Variants in SSBP3 observed in about 807,000 individuals in gnomAD.
The protein encoded by SSBP3 is single stranded DNA binding protein 3.
SSBP3 carries 5 observed loss-of-function variants against 69.6 expected under a neutral mutation model. The ratio of observed to expected loss-of-function variants is 0.07; its 90% CI spans 0.04 to 0.15. The LOEUF (loss-of-function observed/expected upper bound fraction) is 0.15. Ranked by LOEUF, SSBP3 falls within the 10% of genes least tolerant of loss-of-function variation. The probability of loss-of-function intolerance (pLI) is 1.00; values close to 1 mark genes in which losing one functional copy is unlikely to be tolerated. For synonymous variants in SSBP3, 196 were observed against 193.4 expected (o/e 1.01, Z -0.11); for missense variants, 312 against 534.0 (o/e 0.58, Z 4.10).
At chr1:54,235,542 G>A (rs1280851884) in intron 14 of SSBP3, among the ~76,000 whole-genome samples, 1 of 139,236 alleles carries the variant, frequency 7.2e-6, no homozygotes, top group African/African-American at 2.7e-5. Context: ...TGCAACCTCC[G>A]CCTCCCGGGT....
Position 54,338,192 on chromosome 1 carries a change from G to A in SSBP3, c.277-56665C>T, listed in dbSNP as rs79481013. Among the ~76,000 whole-genome samples, 72 of 152,338 alleles carry A rather than the reference G, an allele frequency of 4.7e-4. 2 individuals are homozygous for A. In the East Asian group the frequency reaches 0.011, roughly 22 times the overall value. On this transcript the variant is annotated intron_variant, in intron 4 of 17. Transcript: ENST00000610401. ...CCTGTGGTCCAGGTGTCCCTCTCCT[G>A]TGTTCACAGCCTCGGTGCCCCTACT...
At chr1:54,279,184 G>A (rs1021921668) in intron 5 of SSBP3, among the ~76,000 whole-genome samples, 55 of 152,294 alleles carry the variant, frequency 3.6e-4, no homozygotes, top group Admixed American at 8.5e-4. Flanking sequence ...GGATGACCAC[G>A]TCAGCTCTTG....
At chr1:54,353,492 G>T (rs1646815572) in intron 4 of SSBP3, among the ~76,000 whole-genome samples, 1 of 152,088 alleles carries the variant, frequency 6.6e-6, no homozygotes, top group African/African-American at 2.4e-5. Flanking sequence ...TATCCACTCT[G>T]AAAAACCCTG....
intron 4 of SSBP3, among the ~76,000 whole-genome samples, chr1:54,377,274 C>CTGCCTCCA (rs1647277121): frequency 6.6e-6 from 1 of 152,260 alleles, no homozygotes; most frequent in Admixed American, 6.5e-5. Context: ...CCCACAAGGT[C>CTGCCTCCA]TGCCTCCAGG....
chr1:54,294,832 G>A (rs1251167279), intron 4 of SSBP3, among the ~76,000 whole-genome samples: 2 of 152,162 alleles, frequency 1.3e-5, no homozygotes, highest in East Asian at 3.9e-4. Context: ...CCCACCACTT[G>A]TGGGGCCCAA....
intron 5 of SSBP3, among the ~76,000 whole-genome samples, chr1:54,274,270 G>A (rs1051010448): frequency 1.3e-5 from 2 of 152,218 alleles, no homozygotes; most frequent in African/African-American, 4.8e-5. Flanking sequence ...GCCAATTTGA[G>A]CCTCAGTTTC....
intron 14 of SSBP3, among the ~76,000 whole-genome samples, chr1:54,230,249 G>T (rs1644358735): frequency 6.6e-6 from 1 of 152,166 alleles, no homozygotes; most frequent in Non-Finnish European, 1.5e-5. Context: ...GCAGCTCACA[G>T]GCTTTTGGGC....
At chr1:54,385,034 T>A (rs989748701) in intron 4 of SSBP3, among the ~76,000 whole-genome samples, 2 of 152,138 alleles carry the variant, frequency 1.3e-5, no homozygotes, top group Admixed American at 1.3e-4. Flanking sequence ...GGGAAGGACA[T>A]ACTTCCTAAC....
chr1:54,408,195 C>A (rs777383083), upstream of SSBP3, among the ~76,000 whole-genome samples: 1 of 152,134 alleles, frequency 6.6e-6, no homozygotes, highest in Non-Finnish European at 1.5e-5. Context: ...AGTTTATGGG[C>A]GTCTGTGCGC....
At chr1:54,289,907 C>T (rs1645573765) in intron 4 of SSBP3, among the ~76,000 whole-genome samples, 1 of 152,126 alleles carries the variant, frequency 6.6e-6, no homozygotes, top group Non-Finnish European at 1.5e-5. Flanking sequence ...TCAGAGAAGG[C>T]TCACTGTCCC....
At chr1:54,309,847 G>A (rs980861088) in intron 4 of SSBP3, among the ~76,000 whole-genome samples, 1 of 152,166 alleles carries the variant, frequency 6.6e-6, no homozygotes, top group Non-Finnish European at 1.5e-5. Context: ...CAAAGAAGAG[G>A]CCAGGTCACA....
intron 4 of SSBP3, among the ~76,000 whole-genome samples, chr1:54,374,206 G>A (rs1165848041): frequency 2.6e-5 from 4 of 152,208 alleles, no homozygotes; most frequent in Non-Finnish European, 5.9e-5. Flanking sequence ...ACGCAGGTGC[G>A]CGGGAATGTG....
chr1:54,231,990 G>C (rs185380104), intron 14 of SSBP3, among the ~76,000 whole-genome samples: 173 of 152,270 alleles, frequency 1.1e-3, no homozygotes, highest in African/African-American at 3.0e-3. Context: ...CACCATGCCC[G>C]GCCCCCTATG....
chr1:54,350,400 G>A (rs1437570017), intron 4 of SSBP3, among the ~76,000 whole-genome samples: 1 of 152,236 alleles, frequency 6.6e-6, no homozygotes, highest in African/African-American at 2.4e-5. Flanking sequence ...AGAGGTACAA[G>A]CTAGAAAACT....
chr1:54,352,117 G>C (rs1219905292), intron 4 of SSBP3, among the ~76,000 whole-genome samples: 1 of 152,058 alleles, frequency 6.6e-6, no homozygotes, highest in Non-Finnish European at 1.5e-5. Flanking sequence ...GCAATATAGT[G>C]AGACCCTATC....
chr1:54,235,643 G>A (rs1238906029), intron 14 of SSBP3, among the ~76,000 whole-genome samples: 4 of 151,682 alleles, frequency 2.6e-5, no homozygotes, highest in South Asian at 2.1e-4. Flanking sequence ...AGTAGAGACG[G>A]GGTTTCACCA....
intron 3 of SSBP3, 78 bp from the exon 4 acceptor site, chr1:54,402,023 C>T (rs1008330482): frequency 5.5e-6 from 7 of 1,266,244 alleles, no homozygotes; most frequent in African/African-American, 1.5e-5. Context: ...CGATGCATGG[C>T]GCTAACAGTA....
chr1:54,352,162 A>ACCCCCG (rs1478124099), intron 4 of SSBP3, among the ~76,000 whole-genome samples: 6 of 59,222 alleles, frequency 1.0e-4, no homozygotes, highest in African/African-American at 3.0e-4. Context: ...ACCAAACCCC[A>ACCCCCG]CCCCCGCCCC....
intron 4 of SSBP3, among the ~76,000 whole-genome samples, chr1:54,354,510 CTT>C (rs1373787459): frequency 6.6e-5 from 10 of 152,150 alleles, no homozygotes. Flanking sequence ...CACTACCACT[CTT>C]GTCATGTGGT....
Sources: allele counts gnomAD v4.1 joint callset (sites outside exome capture counted in the v4.1 genomes callset), GRCh38; gene constraint gnomAD v4.1.1; transcripts MANE v1.5; gene names NCBI Gene and HGNC (gene_info 2026-07-23, HGNC 2026-07-21).